Variants in TTLL11 observed in about 807,000 individuals in gnomAD.
TTLL11 encodes the protein tubulin tyrosine ligase like 11, also known as tubulin polyglutamylase TTLL11.
A neutral mutation model predicts 51.7 loss-of-function variants in TTLL11; 42 were observed. That is an observed-to-expected ratio of 0.81 (90% CI 0.64 to 1.05). The LOEUF (loss-of-function observed/expected upper bound fraction) is 1.05, where lower values mean the gene tolerates loss of function less well. Ranked by LOEUF, TTLL11 falls within the 50% of genes least tolerant of loss-of-function variation. The pLI is 0.00. For synonymous variants in TTLL11, 381 were observed against 383.5 expected, an observed-to-expected ratio of 0.99 and a Z score of 0.08; for missense variants, 799 against 940.4, an observed-to-expected ratio of 0.85 and a Z score of 1.97.
At chr9:121,900,822 T>C (rs147701320) in intron 6 of TTLL11, among the ~76,000 whole-genome samples, 112 of 152,338 alleles carry the variant, frequency 7.4e-4, no homozygotes, top group Non-Finnish European at 1.2e-3. Context: ...TGCTTATTTA[T>C]TTTTGAGATA....
chr9:121,878,961 G>A (rs1180387962), intron 6 of TTLL11, among the ~76,000 whole-genome samples: 1 of 152,194 alleles, frequency 6.6e-6, no homozygotes. Flanking sequence ...TCAGGGCATG[G>A]TTGAAATCCC....
intron 2 of TTLL11, among the ~76,000 whole-genome samples, chr9:122,038,578 G>A (rs1479060647): frequency 6.6e-6 from 1 of 152,206 alleles, no homozygotes; most frequent in Non-Finnish European, 1.5e-5. Flanking sequence ...GAACCTGGGA[G>A]GCAGAGGTTG....
At chr9:121,857,067 C>T (rs1217407253) in intron 8 of TTLL11, among the ~76,000 whole-genome samples, 1 of 152,214 alleles carries the variant, frequency 6.6e-6, no homozygotes. Flanking sequence ...CCTGAGACCA[C>T]AGGCACAGAA....
In TTLL11 at chr9:121,816,279, C is replaced by T. The variant is rs1836402021; in HGVS notation, c.*6308G>A. 2 of 152,208 alleles carry T rather than the reference C, an allele frequency of 1.3e-5. No homozygotes were observed. Among genetic ancestry groups the T allele is most frequent in the Non-Finnish European group, 2.9e-5 (2 of 68,056 alleles). 9.4% of individuals were successfully genotyped at this position (152,208 alleles called of 1,614,324 possible). A position where few individuals can be genotyped will look rare whatever the true frequency, so the allele number is the denominator to read the frequency against. ...AACAGGTTCTGAAGGGAAAATATCCCTGCGGTCTGCGAGGGGCTTGGGGGA... is the reference window on the plus strand; with the variant it reads ...AACAGGTTCTGAAGGGAAAATATCCTTGCGGTCTGCGAGGGGCTTGGGGGA... On this transcript the variant is annotated 3_prime_UTR_variant, in exon 9 of 9. Coordinates refer to ENST00000321582, the MANE Select transcript of TTLL11 (RefSeq NM_001139442.2).
At chr9:121,981,491 T>C (rs1842828971) in intron 4 of TTLL11, among the ~76,000 whole-genome samples, 2 of 152,260 alleles carry the variant, frequency 1.3e-5, no homozygotes, top group Non-Finnish European at 2.9e-5. Context: ...TGTTTTAGTA[T>C]CCTTTTCCTG....
chr9:121,969,368 T>C (rs185944458), intron 6 of TTLL11, among the ~76,000 whole-genome samples: 3 of 152,126 alleles, frequency 2.0e-5, no homozygotes, highest in East Asian at 3.9e-4. Flanking sequence ...CTTCCCCCGG[T>C]AGACTGCCTG....
At chr9:121,877,505 C>T (rs961178090) in intron 6 of TTLL11, among the ~76,000 whole-genome samples, 2 of 152,086 alleles carry the variant, frequency 1.3e-5, no homozygotes, top group African/African-American at 2.4e-5. Flanking sequence ...AGACCTAGAC[C>T]CACGTTGAGC....
intron 6 of TTLL11, among the ~76,000 whole-genome samples, chr9:121,920,157 G>T (rs1229181922): frequency 6.6e-6 from 1 of 152,118 alleles, no homozygotes; most frequent in African/African-American, 2.4e-5. Context: ...CAAAACATTT[G>T]CCAGGTGTGG....
chr9:122,008,468 T>C (rs2131742381), intron 3 of TTLL11, among the ~76,000 whole-genome samples: 1 of 152,242 alleles, frequency 6.6e-6, no homozygotes, highest in East Asian at 1.9e-4. Flanking sequence ...CAATGGGATA[T>C]GAAAAAATGC....
intron 1 of TTLL11, among the ~76,000 whole-genome samples, chr9:122,070,791 T>G (rs1845706302): frequency 1.3e-5 from 2 of 152,240 alleles, no homozygotes; most frequent in South Asian, 4.1e-4. Context: ...TGCCAGGGTG[T>G]GGAGGCAGAC....
At chr9:121,832,212 C>T (rs538813555) in intron 8 of TTLL11, among the ~76,000 whole-genome samples, 2 of 152,240 alleles carry the variant, frequency 1.3e-5, no homozygotes, top group Admixed American at 6.5e-5. Context: ...CCCTCAAACC[C>T]TCAGTTCTGC....
At chr9:122,007,068 T>C (rs1439898709) in intron 3 of TTLL11, among the ~76,000 whole-genome samples, 1 of 150,730 alleles carries the variant, frequency 6.6e-6, no homozygotes, top group Non-Finnish European at 1.5e-5. Context: ...TTATTTTAAC[T>C]ACATGTATAG....
At chr9:121,884,084 A>G (rs192199713) in intron 6 of TTLL11, among the ~76,000 whole-genome samples, 17 of 152,372 alleles carry the variant, frequency 1.1e-4, no homozygotes, top group African/African-American at 4.1e-4. Context: ...CCACGATACA[A>G]GATGGCTTAA....
intron 1 of TTLL11, among the ~76,000 whole-genome samples, chr9:122,051,921 C>T (rs1845171995): frequency 6.6e-6 from 1 of 151,934 alleles, no homozygotes; most frequent in Admixed American, 6.6e-5. Context: ...GAACCCAAAA[C>T]AATAAAAATC....
At chr9:121,895,935 GGT>G (rs1181412434) in intron 6 of TTLL11, among the ~76,000 whole-genome samples, 8 of 6,436 alleles carry the variant, frequency 1.2e-3, no homozygotes, top group Non-Finnish European at 2.2e-3. Flanking sequence ...TGTCTGTGTG[GGT>G]GTGTTTGTGT....
intron 3 of TTLL11, among the ~76,000 whole-genome samples, chr9:122,021,971 C>G (rs1239376797): frequency 6.6e-6 from 1 of 152,064 alleles, no homozygotes; most frequent in African/African-American, 2.4e-5. Flanking sequence ...TAAAAAGACT[C>G]AACTCTCATG....
intron 6 of TTLL11, among the ~76,000 whole-genome samples, chr9:121,929,471 G>T (rs1840883087): frequency 6.6e-6 from 1 of 152,084 alleles, no homozygotes; most frequent in Admixed American, 6.5e-5. Flanking sequence ...TTTTATTTTA[G>T]GAGAGCCAGA....
chr9:121,868,953 T>A (rs1838259790), intron 7 of TTLL11, among the ~76,000 whole-genome samples: 1 of 152,232 alleles, frequency 6.6e-6, no homozygotes, highest in African/African-American at 2.4e-5. Flanking sequence ...CCCAACCTCA[T>A]AACAAATCCT....
chr9:122,091,037 G>T (rs1276981231), intron 1 of TTLL11, among the ~76,000 whole-genome samples: 4 of 152,120 alleles, frequency 2.6e-5, no homozygotes, highest in African/African-American at 7.2e-5. Flanking sequence ...TGGTTCCCAG[G>T]GCCCAGCAAA....
Sources: allele counts gnomAD v4.1 joint callset (sites outside exome capture counted in the v4.1 genomes callset), GRCh38; gene constraint gnomAD v4.1.1; transcripts MANE v1.5; gene names NCBI Gene and HGNC (gene_info 2026-07-23, HGNC 2026-07-21).